DOCK9: variants seen among roughly 807,000 people sequenced by gnomAD.
DOCK9 encodes the protein dedicator of cytokinesis protein 9.
Under a neutral mutation model 263.3 loss-of-function variants are expected in DOCK9, and 89 were observed. The observed-to-expected ratio is 0.34, with a 90% CI of 0.28 to 0.40. The LOEUF (loss-of-function observed/expected upper bound fraction) is 0.40. DOCK9 is among the 10% of genes least tolerant of loss of function. The pLI, the probability that DOCK9 is intolerant of heterozygous loss-of-function variation, is 1.00. For synonymous variants in DOCK9, 976 were observed against 973.1 expected, an observed-to-expected ratio of 1.00 and a Z score of -0.06; for missense variants, 2,140 against 2,603.4, an observed-to-expected ratio of 0.82 and a Z score of 3.87.
At chr13:98,993,086 TAGTC>T (rs1880190074) in intron 1 of DOCK9, among the ~76,000 whole-genome samples, 1 of 152,184 alleles carries the variant, frequency 6.6e-6, no homozygotes, top group African/African-American at 2.4e-5. Flanking sequence ...GCTGCAGTCT[TAGTC>T]AGGAGTATGG....
chr13:99,086,866 C>A (rs1271984997), upstream of DOCK9, among the ~76,000 whole-genome samples: 1 of 151,500 alleles, frequency 6.6e-6, no homozygotes, highest in African/African-American at 2.4e-5. Context: ...GGGTCGGGGC[C>A]GCCTCCGCCC....
intron 1 of DOCK9, among the ~76,000 whole-genome samples, chr13:98,983,345 C>T (rs766472029): frequency 6.6e-6 from 1 of 152,120 alleles, no homozygotes; most frequent in Non-Finnish European, 1.5e-5. Flanking sequence ...AAATGATCTG[C>T]CTTCTGAGAA....
At chr13:98,989,858 T>C (rs1312236268) in intron 1 of DOCK9, among the ~76,000 whole-genome samples, 1 of 152,224 alleles carries the variant, frequency 6.6e-6, no homozygotes, top group South Asian at 2.1e-4. Context: ...ATTCCCCCTC[T>C]TCCCCCACTC....
At chr13:98,886,759 G>A (rs562114289) in intron 18 of DOCK9, 135 bp from the exon 19 acceptor site, 106 of 792,698 alleles carry the variant, frequency 1.3e-4, no homozygotes, top group African/African-American at 1.1e-3. Context: ...CCAGGCCTGT[G>A]AGCCCCGGAC....
At chr13:98,999,316 A>ACTCTCTCT (rs903855891) in intron 1 of DOCK9, among the ~76,000 whole-genome samples, 47 of 138,294 alleles carry the variant, frequency 3.4e-4, no homozygotes, top group South Asian at 1.9e-3. Flanking sequence ...ACACACACAC[A>ACTCTCTCT]CTCTCTCTCT....
At chr13:98,944,380 G>GATA (rs1400646722) in intron 2 of DOCK9, among the ~76,000 whole-genome samples, 1 of 23,998 alleles carries the variant, frequency 4.2e-5, no homozygotes, top group African/African-American at 1.6e-4. Flanking sequence ...TCCACTATAT[G>GATA]AGAAAAAAAA....
At chr13:98,957,392 A>G (rs138733965) in intron 1 of DOCK9, among the ~76,000 whole-genome samples, 3 of 152,216 alleles carry the variant, frequency 2.0e-5, no homozygotes, top group African/African-American at 7.2e-5. Flanking sequence ...ACACTCTACA[A>G]AGATGTTTTG....
rs777312557 is a variant in DOCK9 at position 98,868,343 on chromosome 13, T to C, written c.2978A>G (p.His993Arg). ...LRNQRFPASYHHAVETVVNML... is the reference protein window; with the variant it reads ...LRNQRFPASYRHAVETVVNML... The stretch of plus-strand genomic sequence containing the variant: ...ATTTACAACGGTTTCCACTGCATGA[T>C]GATAGGATGCAGGAAATCTCTGGTT... The change falls in exon 28 of 53, where the codon CAT becomes CGT. Residue 993 changes from histidine (H) to arginine (R), a missense_variant. His to Arg is a conservative substitution (Grantham distance 29). This residue lies in a region of DOCK9 where 1,521 missense variants were observed against 1,741.7 expected (regional missense o/e 0.87). Coordinates refer to ENST00000682017, the MANE Select transcript of DOCK9 (RefSeq NM_001366683.2). The C allele has an allele frequency of 6.2e-6, 10 of 1,613,378 alleles. No individual in the cohort carries two copies. Among genetic ancestry groups the C allele is most frequent in the Non-Finnish European group, 8.5e-6 (10 of 1,179,708 alleles).
chr13:98,896,888 GA>G (rs2047521576), intron 15 of DOCK9, among the ~76,000 whole-genome samples: 2 of 152,186 alleles, frequency 1.3e-5, no homozygotes, highest in Admixed American at 1.3e-4. Flanking sequence ...GGTCTCTGCA[GA>G]TGCAATCAGT....
Position 98,897,492 on chromosome 13 carries a change from G to A in DOCK9, c.1705C>T (p.Arg569Trp), listed in dbSNP as rs750144974. 15 of 1,613,416 alleles carry A rather than the reference G, an allele frequency of 9.3e-6. No individual in the cohort carries two copies. In the African/African-American group the frequency reaches 9.3e-5, roughly 10 times the overall value. The change falls in exon 15 of 53, where the codon CGG (arginine) becomes TGG (tryptophan). Residue 569 changes from arginine to tryptophan, a missense_variant. Coordinates refer to ENST00000682017, the MANE Select transcript of DOCK9 (RefSeq NM_001366683.2). Reference protein sequence around the residue: ...DDMLKLLADFRKPEKMAKLPV... With the variant: ...DDMLKLLADFWKPEKMAKLPV... ...AAATAAGACCTTGAAACTCACTTCC[G>A]AAAGTCTGCAAGTAACTTGAGCATG...
chr13:98,918,776 G>A (rs1356472353), intron 7 of DOCK9, among the ~76,000 whole-genome samples: 1 of 152,166 alleles, frequency 6.6e-6, no homozygotes, highest in Non-Finnish European at 1.5e-5. Flanking sequence ...CAGAAGATGT[G>A]CTCCCCCAAA....
At chr13:99,075,682 CTTT>C (rs5806093) in intron 1 of DOCK9, among the ~76,000 whole-genome samples, 8,723 of 148,648 alleles carry the variant, frequency 0.059, 287 homozygotes, top group South Asian at 0.13. Context: ...CTATTTATAA[CTTT>C]TTTTTTTTTT....
intron 50 of DOCK9, among the ~76,000 whole-genome samples, chr13:98,799,245 G>C (rs1217004782): frequency 6.6e-6 from 1 of 152,038 alleles, no homozygotes; most frequent in Non-Finnish European, 1.5e-5. Flanking sequence ...TTCAGAAAAT[G>C]AACCAAAAAA....
intron 12 of DOCK9, 60 bp from the exon 13 acceptor site, chr13:98,901,960 A>G: frequency 6.3e-7 from 1 of 1,582,316 alleles, no homozygotes; most frequent in East Asian, 2.3e-5. Context: ...AACAAATCCC[A>G]TGAACATTAA....
intron 1 of DOCK9, among the ~76,000 whole-genome samples, chr13:98,986,365 G>C (rs1184130051): frequency 6.6e-6 from 1 of 152,200 alleles, no homozygotes. Context: ...GGGGTGGAGG[G>C]GACAGGCCGC....
chr13:98,811,705 T>C (rs1013213044), intron 45 of DOCK9, among the ~76,000 whole-genome samples: 1 of 152,360 alleles, frequency 6.6e-6, no homozygotes. Flanking sequence ...ACGGTCTGTA[T>C]GCCTATGTCT....
intron 9 of DOCK9, among the ~76,000 whole-genome samples, chr13:98,908,913 G>A (rs146840411): frequency 4.1e-4 from 62 of 152,314 alleles, no homozygotes; most frequent in Non-Finnish European, 7.5e-4. Flanking sequence ...CAATCTAAGA[G>A]TGGAGAAAAT....
upstream of DOCK9, among the ~76,000 whole-genome samples, chr13:99,087,564 T>C (rs1408904697): frequency 6.6e-6 from 1 of 151,630 alleles, no homozygotes; most frequent in Non-Finnish European, 1.5e-5. Flanking sequence ...TGAGGGACTT[T>C]CCCCCCAATA....
At chr13:98,953,694 G>T (rs1333973982) in intron 2 of DOCK9, among the ~76,000 whole-genome samples, 1 of 152,190 alleles carries the variant, frequency 6.6e-6, no homozygotes, top group African/African-American at 2.4e-5. Context: ...ATAATCATTT[G>T]ATTTTGCTTT....
Sources: allele counts gnomAD v4.1 joint callset (sites outside exome capture counted in the v4.1 genomes callset), GRCh38; gene constraint gnomAD v4.1.1; regional missense constraint gnomAD v4.1.1; transcripts MANE v1.5; gene names NCBI Gene and HGNC (gene_info 2026-07-23, HGNC 2026-07-21).